GALNTL6: variants seen among roughly 807,000 people sequenced by gnomAD.
GALNTL6 encodes polypeptide N-acetylgalactosaminyltransferase like 6.
Under a neutral mutation model 73.7 loss-of-function variants are expected in GALNTL6, and 46 were observed. The observed-to-expected ratio is 0.62, with a 90% CI of 0.49 to 0.80. The LOEUF is 0.80. Among genes scored for constraint, GALNTL6 ranks in the 30% least tolerant of loss-of-function variants. The pLI, the probability that GALNTL6 is intolerant of heterozygous loss-of-function variation, is 0.00. For synonymous variants in GALNTL6, 259 were observed against 263.7 expected (o/e 0.98, Z 0.17); for missense variants, 604 against 755.0 (o/e 0.80, Z 2.34).
intron 2 of GALNTL6, among the ~76,000 whole-genome samples, chr4:171,997,651 C>T (rs1221057513): frequency 6.6e-6 from 1 of 152,112 alleles, no homozygotes; most frequent in East Asian, 1.9e-4. Flanking sequence ...CATTAAGTCA[C>T]ACCATGGTAA....
chr4:172,016,185 C>A (rs1366009513), intron 2 of GALNTL6, among the ~76,000 whole-genome samples: 1 of 151,804 alleles, frequency 6.6e-6, no homozygotes, highest in Non-Finnish European at 1.5e-5. Flanking sequence ...TCTCTTCTTC[C>A]TCAGGGACAC....
chr4:172,909,611 A>G lies in GALNTL6; in HGVS notation c.1042-21550A>G, dbSNP rs9990877. 8.0e-3 allele frequency among the ~76,000 whole-genome samples: 1,211 copies of G among 152,248 alleles called. 13 individuals are homozygous for G. Among genetic ancestry groups the G allele is most frequent in the African/African-American group, 0.028 (1,149 of 41,596 alleles). ...AGATTTTTCACTTATCAGATTTGCA[A>G]CAATCAAGAACTTTGATAGCAATGT... is the stretch of plus-strand genomic sequence containing the variant. On this transcript the variant is annotated intron_variant, in intron 8 of 12. Coordinates refer to ENST00000506823, the MANE Select transcript of GALNTL6 (RefSeq NM_001034845.3).
At chr4:172,353,945 A>T (rs1418020863) in intron 5 of GALNTL6, among the ~76,000 whole-genome samples, 1 of 152,166 alleles carries the variant, frequency 6.6e-6, no homozygotes, top group Non-Finnish European at 1.5e-5. Context: ...GTCTCCAAGT[A>T]TACATTAAGG....
intron 5 of GALNTL6, among the ~76,000 whole-genome samples, chr4:172,565,840 A>G (rs967565851): frequency 6.6e-6 from 1 of 152,132 alleles, no homozygotes; most frequent in African/African-American, 2.4e-5. Flanking sequence ...GGTAGATTGT[A>G]TGGTTCTAGG....
chr4:172,316,848 A>T (rs1049752871), intron 4 of GALNTL6, among the ~76,000 whole-genome samples: 1 of 152,234 alleles, frequency 6.6e-6, no homozygotes, highest in African/African-American at 2.4e-5. Context: ...GGATAGCATA[A>T]TCAAAATTGT....
chr4:172,582,632 G>T (rs552685043), intron 5 of GALNTL6, among the ~76,000 whole-genome samples: 1 of 152,194 alleles, frequency 6.6e-6, no homozygotes, highest in African/African-American at 2.4e-5. Flanking sequence ...ATTATGTAAA[G>T]ATTTACTACT....
At chr4:172,100,606 T>C (rs895329026) in intron 2 of GALNTL6, among the ~76,000 whole-genome samples, 10 of 152,208 alleles carry the variant, frequency 6.6e-5, no homozygotes, top group Admixed American at 4.6e-4. Flanking sequence ...CTATAATTAA[T>C]TGAATGTTTA....
At chr4:172,287,677 C>G (rs888085203) in intron 3 of GALNTL6, among the ~76,000 whole-genome samples, 12 of 152,162 alleles carry the variant, frequency 7.9e-5, no homozygotes, top group Non-Finnish European at 1.6e-4. Flanking sequence ...CCCTTTCATT[C>G]TGCACTTGAA....
At chr4:172,062,037 C>G (rs1579100014) in intron 2 of GALNTL6, among the ~76,000 whole-genome samples, 1 of 150,980 alleles carries the variant, frequency 6.6e-6, no homozygotes, top group Non-Finnish European at 1.5e-5. Flanking sequence ...CAACTTCTGC[C>G]CCCCCAGGTT....
At chr4:172,966,552 G>C (rs1005366325) in intron 10 of GALNTL6, among the ~76,000 whole-genome samples, 1 of 152,120 alleles carries the variant, frequency 6.6e-6, no homozygotes, top group African/African-American at 2.4e-5. Context: ...GCGCCACCAC[G>C]CCCAGCTAAT....
At chr4:172,258,635 G>A (rs1738160661) in intron 3 of GALNTL6, among the ~76,000 whole-genome samples, 1 of 151,206 alleles carries the variant, frequency 6.6e-6, no homozygotes, top group Non-Finnish European at 1.5e-5. Context: ...CAGGGAACAG[G>A]TGGTTTTTGT....
chr4:171,824,716 A>G (rs895221363), intron 2 of GALNTL6, among the ~76,000 whole-genome samples: 2 of 152,056 alleles, frequency 1.3e-5, no homozygotes, highest in South Asian at 4.1e-4. Flanking sequence ...CCCTTTTTGG[A>G]TACATTTTTG....
intron 5 of GALNTL6, among the ~76,000 whole-genome samples, chr4:172,788,848 A>G (rs1374992493): frequency 6.6e-6 from 1 of 152,110 alleles, no homozygotes; most frequent in Non-Finnish European, 1.5e-5. Flanking sequence ...TACCTCCTCT[A>G]GGACTAGATA....
intron 2 of GALNTL6, among the ~76,000 whole-genome samples, chr4:172,204,888 A>G (rs951133100): frequency 3.6e-4 from 55 of 152,326 alleles, no homozygotes; most frequent in African/African-American, 1.3e-3. Flanking sequence ...CAATGTTTCT[A>G]TACAGCTGTA....
chr4:172,734,334 A>C (rs1447314742), intron 5 of GALNTL6, among the ~76,000 whole-genome samples: 2 of 151,854 alleles, frequency 1.3e-5, no homozygotes, highest in Non-Finnish European at 2.9e-5. Context: ...AACAAGGTTC[A>C]AAATGCTAAT....
intron 5 of GALNTL6, among the ~76,000 whole-genome samples, chr4:172,353,500 A>T (rs895414377): frequency 3.3e-5 from 5 of 152,092 alleles, no homozygotes; most frequent in African/African-American, 1.2e-4. Context: ...TCCTTGGTAG[A>T]TATCGCCATT....
chr4:172,773,616 CTT>C (rs1738902859), intron 5 of GALNTL6, among the ~76,000 whole-genome samples: 1 of 106,038 alleles, frequency 9.4e-6, no homozygotes, highest in African/African-American at 2.9e-5. Context: ...AAAAAACCCA[CTT>C]CCATTTTTTG....
chr4:172,419,306 T>C (rs1319812187), intron 5 of GALNTL6, among the ~76,000 whole-genome samples: 2 of 152,200 alleles, frequency 1.3e-5, no homozygotes, highest in African/African-American at 4.8e-5. Context: ...ACTTTGGTGA[T>C]AATAATGTTT....
At chr4:172,859,107 A>G (rs9968432) in intron 7 of GALNTL6, among the ~76,000 whole-genome samples, 74,849 of 151,280 alleles carry the variant, frequency 0.49, 21,801 homozygotes, top group East Asian at 0.91. Flanking sequence ...ATTAACTACA[A>G]TTTATTCATT....
Sources: allele counts gnomAD v4.1 joint callset (sites outside exome capture counted in the v4.1 genomes callset), GRCh38; gene constraint gnomAD v4.1.1; transcripts MANE v1.5; gene names NCBI Gene and HGNC (gene_info 2026-07-23, HGNC 2026-07-21).